KLHL1: variants seen among roughly 807,000 people sequenced by gnomAD.
The protein encoded by KLHL1 is kelch like family member 1, also known as kelch-like protein 1.
Under a neutral mutation model 77.7 loss-of-function variants are expected in KLHL1, and 47 were observed. The ratio of observed to expected loss-of-function variants is 0.60; its 90% CI spans 0.48 to 0.77. KLHL1 has a LOEUF of 0.77. Ranked by LOEUF, KLHL1 falls within the 30% of genes least tolerant of loss-of-function variation. KLHL1 has a pLI of 0.00. For synonymous variants in KLHL1, 360 were observed against 325.2 expected (o/e 1.11, Z -1.15); for missense variants, 925 against 910.8 (o/e 1.02, Z -0.20).
chr13:70,061,559 A>G (rs1257268416), intron 1 of KLHL1, among the ~76,000 whole-genome samples: 1 of 152,118 alleles, frequency 6.6e-6, no homozygotes, highest in Non-Finnish European at 1.5e-5. Context: ...CTGAGTTAGT[A>G]GCCTTAAGTC....
At chr13:69,782,310 G>A (rs1876262400) in intron 7 of KLHL1, among the ~76,000 whole-genome samples, 1 of 152,212 alleles carries the variant, frequency 6.6e-6, no homozygotes, top group Admixed American at 6.5e-5. Context: ...GCCAGACAGT[G>A]GGCGCAGGTC....
At chr13:69,703,233 C>G (rs986958436) in intron 10 of KLHL1, among the ~76,000 whole-genome samples, 1 of 151,410 alleles carries the variant, frequency 6.6e-6, no homozygotes, top group Non-Finnish European at 1.5e-5. Flanking sequence ...AATGTCATAG[C>G]CCTCTTAACA....
At chr13:69,831,244 A>C (rs1279255609) in intron 6 of KLHL1, among the ~76,000 whole-genome samples, 2 of 150,232 alleles carry the variant, frequency 1.3e-5, no homozygotes, top group Non-Finnish European at 3.0e-5. Context: ...AATAGGCTCA[A>C]TTAGAAATGA....
intron 4 of KLHL1, among the ~76,000 whole-genome samples, chr13:69,932,778 T>C (rs1299225911): frequency 6.6e-6 from 1 of 151,886 alleles, no homozygotes; most frequent in African/African-American, 2.4e-5. Context: ...AACAAAAATA[T>C]GCAAATAAGG....
At chr13:69,788,847 A>G (rs1438308467) in intron 7 of KLHL1, among the ~76,000 whole-genome samples, 1 of 152,170 alleles carries the variant, frequency 6.6e-6, no homozygotes, top group Non-Finnish European at 1.5e-5. Flanking sequence ...TAATCTTTAA[A>G]TTGCAGAATA....
intron 7 of KLHL1, among the ~76,000 whole-genome samples, chr13:69,771,025 A>T (rs1298229685): frequency 1.3e-5 from 2 of 152,202 alleles, no homozygotes; most frequent in Admixed American, 6.5e-5. Context: ...GGGAGCTGTG[A>T]TCTGCTAATT....
At position 69,789,527 on chromosome 13, in the gene KLHL1, T is replaced by TAAAC. The variant is rs374518545; in HGVS notation, c.1639+7207_1639+7210dup. On this transcript the variant is annotated intron_variant, in intron 7 of 10. Coordinates refer to ENST00000377844, the MANE Select transcript of KLHL1 (RefSeq NM_020866.3). ...CACTTTTTGTACAATTAAAATGACATAAACAGTATAAATGACATAAACAGT... is the reference window on the plus strand; with the variant it reads ...CACTTTTTGTACAATTAAAATGACATAAACAAACAGTATAAATGACATAAACAGT... Among the ~76,000 whole-genome samples the TAAAC allele has an allele frequency of 8.6e-4, 131 of 152,256 alleles. 1 individual carries two copies. Among genetic ancestry groups the TAAAC allele is most frequent in the African/African-American group, 3.0e-3 (126 of 41,550 alleles).
chr13:69,922,931 T>C (rs1443578495), intron 4 of KLHL1, among the ~76,000 whole-genome samples: 1 of 152,128 alleles, frequency 6.6e-6, no homozygotes, highest in Non-Finnish European at 1.5e-5. Flanking sequence ...ATATAAAATA[T>C]TCAAAAGTGA....
At chr13:69,844,369 T>C (rs1280031349) in intron 5 of KLHL1, among the ~76,000 whole-genome samples, 2 of 151,650 alleles carry the variant, frequency 1.3e-5, no homozygotes, top group Non-Finnish European at 3.0e-5. Context: ...TTGTGTAAAA[T>C]GTAACTTTGG....
At chr13:70,087,251 T>C (rs1211595289) in intron 1 of KLHL1, among the ~76,000 whole-genome samples, 1 of 152,134 alleles carries the variant, frequency 6.6e-6, no homozygotes, top group Non-Finnish European at 1.5e-5. Flanking sequence ...GTTTAGGCGA[T>C]TTATATTAAA....
At chr13:69,861,234 G>A (rs1454776913) in intron 5 of KLHL1, among the ~76,000 whole-genome samples, 1 of 151,956 alleles carries the variant, frequency 6.6e-6, no homozygotes, top group East Asian at 1.9e-4. Context: ...TAGACTTCTG[G>A]TATCCAGATT....
intron 2 of KLHL1, among the ~76,000 whole-genome samples, chr13:69,967,671 G>A (rs1884254108): frequency 6.6e-6 from 1 of 152,134 alleles, no homozygotes; most frequent in Non-Finnish European, 1.5e-5. Context: ...GATCACTTGA[G>A]GCCAGGAGTT....
intron 1 of KLHL1, among the ~76,000 whole-genome samples, chr13:70,086,548 G>A (rs1887540398): frequency 2.4e-5 from 3 of 124,346 alleles, no homozygotes; most frequent in Admixed American, 2.0e-4. Flanking sequence ...ACTCTAGCCT[G>A]GGTGACAGAG....
intron 1 of KLHL1, among the ~76,000 whole-genome samples, chr13:70,001,359 C>A (rs1284429075): frequency 6.6e-6 from 1 of 150,966 alleles, no homozygotes; most frequent in African/African-American, 2.4e-5. Context: ...GAATTATCCT[C>A]ATTAAAGAAA....
intron 4 of KLHL1, among the ~76,000 whole-genome samples, chr13:69,917,804 T>C (rs1338773838): frequency 6.6e-6 from 1 of 152,156 alleles, no homozygotes; most frequent in Non-Finnish European, 1.5e-5. Context: ...TTGAAGTCAG[T>C]AAATTCTCAA....
intron 1 of KLHL1, among the ~76,000 whole-genome samples, chr13:70,027,154 A>T (rs189093155): frequency 1.3e-5 from 2 of 152,250 alleles, no homozygotes; most frequent in East Asian, 3.9e-4. Flanking sequence ...AAAAATATTA[A>T]AATAAAACTA....
At chr13:69,855,333 T>C (rs758649037) in intron 5 of KLHL1, among the ~76,000 whole-genome samples, 1,423 of 97,980 alleles carry the variant, frequency 0.015, 39 homozygotes, top group African/African-American at 0.053. Context: ...GATAGATAGA[T>C]AGATAGATAG....
At chr13:70,002,426 A>C (rs79421149) in intron 1 of KLHL1, among the ~76,000 whole-genome samples, 3 of 151,548 alleles carry the variant, frequency 2.0e-5, no homozygotes, top group African/African-American at 7.3e-5. Flanking sequence ...GGAGAAAAAA[A>C]ATTTTTTTAA....
At position 69,838,900 on chromosome 13, in the gene KLHL1, T is replaced by C. The variant is rs189931085; in HGVS notation, c.1414+76A>G. 1.0e-4 allele frequency: 91 copies of C among 902,200 alleles called. No individual in the cohort carries two copies. The Middle Eastern group carries it at 1.1e-3, about 11-fold the overall frequency. The allele number at this position is 902,200 out of a possible 1,614,324, so 55.9% of individuals were successfully genotyped here. A position where few individuals can be genotyped will look rare whatever the true frequency, so the allele number is the denominator to read the frequency against. On this transcript the variant is annotated intron_variant, in intron 6 of 10. Transcript: ENST00000377844. ...GCTGAGTTTATGTCATTTTTTGTAGTATCACCATTACAATATAAAAGCTGC... is the reference window on the plus strand; with the variant it reads ...GCTGAGTTTATGTCATTTTTTGTAGCATCACCATTACAATATAAAAGCTGC...
Sources: allele counts gnomAD v4.1 joint callset (sites outside exome capture counted in the v4.1 genomes callset), GRCh38; gene constraint gnomAD v4.1.1; transcripts MANE v1.5; gene names NCBI Gene and HGNC (gene_info 2026-07-23, HGNC 2026-07-21).